BBS4: variants seen among roughly 807,000 people sequenced by gnomAD.
BBS4 encodes BBSome complex member BBS4.
In BBS4, 58 loss-of-function variants were observed where a neutral mutation model predicts 71.4. The ratio of observed to expected loss-of-function variants is 0.81; its 90% CI spans 0.66 to 1.01. The LOEUF is 1.01. Among genes scored for constraint, BBS4 ranks in the 50% least tolerant of loss-of-function variants. BBS4 has a pLI of 0.00. For synonymous variants in BBS4, 228 were observed against 216.8 expected, an observed-to-expected ratio of 1.05 and a Z score of -0.46; for missense variants, 660 against 607.9, an observed-to-expected ratio of 1.09 and a Z score of -0.90.
chr15:72,686,899 G>C, intron 1 of BBS4: 3 of 282,084 alleles, frequency 1.1e-5, no homozygotes, highest in South Asian at 3.3e-5. Context: ...TTGAAAGCCT[G>C]TTCTGTCCAT....
intron 13 of BBS4, chr15:72,735,487 G>C (rs1034643816): frequency 5.8e-6 from 3 of 518,696 alleles, no homozygotes; most frequent in African/African-American, 5.7e-5. Flanking sequence ...ATGGGACTCT[G>C]GGCTGTTTAA....
chr15:72,723,721 C>T (rs1446797620), intron 7 of BBS4, among the ~76,000 whole-genome samples: 1 of 152,014 alleles, frequency 6.6e-6, no homozygotes, highest in Non-Finnish European at 1.5e-5. Flanking sequence ...ACATAAAATA[C>T]ATTTAGTGGG....
rs201651412 is a variant in BBS4 at position 72,737,577 on chromosome 15, G to C, written c.1550G>C (p.Arg517Thr). The C allele has an allele frequency of 6.2e-7, 1 of 1,606,232 alleles. No homozygotes were observed. Among genetic ancestry groups the C allele is most frequent in the African/African-American group, 1.3e-5 (1 of 74,948 alleles). The change falls in exon 16 of 16, where the codon AGA becomes ACA. Residue 517 changes from arginine to threonine, a missense_variant. Transcript: ENST00000268057. ...CCAACTGAAACATCAGAACAAATAA[G>C]AGAGAAATAAGAATAGAATGAATGA... ...SSPTETSEQIREK is the reference protein window; with the variant it reads ...SSPTETSEQITEK
chr15:72,736,821 GACCAA>G lies in BBS4; in HGVS notation c.1313_1317del (p.Lys438SerfsTer2). On this transcript the variant is annotated frameshift_variant, in exon 15 of 16. Transcript: ENST00000268057. LOFTEE classifies it high-confidence loss of function. ...TCCAGGTTGGGGAGGCACTGGTCTGGACCAAACCAGTTAAAGATCCCAAATCAAAG... is the reference window on the plus strand; with the variant it reads ...TCCAGGTTGGGGAGGCACTGGTCTGGACCAGTTAAAGATCCCAAATCAAAG... 1 of 1,614,144 alleles carries G rather than the reference GACCAA, an allele frequency of 6.2e-7. No homozygotes were observed. The highest frequency in any genetic ancestry group is 1.3e-5 in the African/African-American group (1 of 75,026).
At chr15:72,690,373 G>A (rs996865170) in intron 1 of BBS4, among the ~76,000 whole-genome samples, 10 of 151,974 alleles carry the variant, frequency 6.6e-5, no homozygotes, top group Admixed American at 6.6e-4. Context: ...AGATTGAGTG[G>A]GCTAATAGAA....
chr15:72,738,351 C>A lies in BBS4; in HGVS notation c.*764C>A. Reference sequence around the variant, plus strand: ...AAGATAGTCAGTGATAACCACTGACCAGATGCTATCAATACACTATGTGTC... The same window carrying A: ...AAGATAGTCAGTGATAACCACTGACAAGATGCTATCAATACACTATGTGTC... On this transcript the variant is annotated 3_prime_UTR_variant, in exon 16 of 16. Transcript: ENST00000268057. 2.2e-6 allele frequency: 1 copy of A among 453,000 alleles called. No individual in the cohort carries two copies. Among genetic ancestry groups the A allele is most frequent in the Non-Finnish European group, 4.4e-6 (1 of 226,408 alleles). The allele number at this position is 453,000 out of a possible 1,614,324, so 28.1% of individuals were successfully genotyped here. A position where few individuals can be genotyped will look rare whatever the true frequency, so the allele number is the denominator to read the frequency against.
At chr15:72,713,357 GCA>G (rs756071828) in intron 4 of BBS4, among the ~76,000 whole-genome samples, 1 of 81,460 alleles carries the variant, frequency 1.2e-5, no homozygotes, top group Non-Finnish European at 2.5e-5. Flanking sequence ...ACACGCACAC[GCA>G]CGCACGCACT....
chr15:72,710,213 T>C lies in BBS4; in HGVS notation c.156+434T>C, dbSNP rs896588003. 6.4e-4 allele frequency among the ~76,000 whole-genome samples: 93 copies of C among 144,514 alleles called. 5 individuals carry two copies. Among genetic ancestry groups the C allele is most frequent in the Non-Finnish European group, 1.8e-4 (12 of 65,872 alleles). The allele number at this position is 144,514 out of a possible 152,430, so 94.8% of individuals were successfully genotyped here. On this transcript the variant is annotated intron_variant, in intron 3 of 15. Coordinates refer to ENST00000268057, the MANE Select transcript of BBS4 (RefSeq NM_033028.5). ...TTGTCGAGTTTTTTTTTTTTTTTTT[T>C]TTTTTTTGAGATGGAGTCTCACTGT...
chr15:72,735,216 G>T, intron 13 of BBS4, 34 bp downstream of exon 13: 1 of 1,555,184 alleles, frequency 6.4e-7, no homozygotes, highest in Non-Finnish European at 8.9e-7. Flanking sequence ...ACTGGCGGGG[G>T]TTGGACTCTC....
Position 72,736,766 on chromosome 15 carries a change from T to A in BBS4, c.1253T>A (p.Val418Glu). ...TACTTCCTTTGTGGACACAAGATGG[T>A]GGAGATGGCTCAGAAGTTGGGAGCT... ...NSSLEFDSEM[V>E]EMAQKLGAAL... The change falls in exon 15 of 16, where the codon GTG becomes GAG. Residue 418 changes from valine to glutamate, a missense_variant. Physicochemically the swap from Val to Glu is moderately radical, Grantham distance 121. Transcript: ENST00000268057. 2 of 1,614,168 alleles carry A rather than the reference T, an allele frequency of 1.2e-6. No homozygotes were observed. Among genetic ancestry groups the A allele is most frequent in the Non-Finnish European group, 1.7e-6 (2 of 1,180,018 alleles).
At chr15:72,705,479 C>T (rs978202984) in intron 2 of BBS4, among the ~76,000 whole-genome samples, 2 of 151,628 alleles carry the variant, frequency 1.3e-5, no homozygotes, top group Admixed American at 6.6e-5. Context: ...TTTCCTTTTT[C>T]TAATCCCTAG....
Position 72,715,891 on chromosome 15 carries a change from C to T in BBS4, c.332+489C>T, listed in dbSNP as rs143416304. On this transcript the variant is annotated intron_variant, in intron 5 of 15. Transcript: ENST00000268057. The stretch of plus-strand genomic sequence containing the variant: ...ACTTCAAGTATCCATACAGCCATTC[C>T]GTTTTTCATTTTCAGTATAGTATTC... 3.5e-3 allele frequency among the ~76,000 whole-genome samples: 529 copies of T among 152,226 alleles called. 1 individual carries two copies. Among genetic ancestry groups the T allele is most frequent in the South Asian group, 0.018 (86 of 4,820 alleles).
At chr15:72,730,879 A>C (rs555665279) in intron 10 of BBS4, among the ~76,000 whole-genome samples, 7 of 152,152 alleles carry the variant, frequency 4.6e-5, no homozygotes, top group Non-Finnish European at 8.8e-5. Context: ...CGGTAGAAAG[A>C]AATTTACCTT....
chr15:72,735,775 G>T lies in BBS4; in HGVS notation c.1107-50G>T, dbSNP rs2151054664. Reference sequence around the variant, plus strand: ...TGTGTAATGAGAAGGATCTCTAAATGACCATTTGTTGCAGAGCCCCCAGCT... The same window carrying T: ...TGTGTAATGAGAAGGATCTCTAAATTACCATTTGTTGCAGAGCCCCCAGCT... On this transcript the variant is annotated intron_variant, in intron 13 of 15. Transcript: ENST00000268057. 1.9e-6 allele frequency: 3 copies of T among 1,611,600 alleles called. No individual in the cohort carries two copies. In the South Asian group the frequency reaches 3.3e-5, roughly 18 times the overall value.
Position 72,737,550 on chromosome 15 carries a change from G to C in BBS4, c.1523G>C (p.Ser508Thr). 6.2e-7 allele frequency: 1 copy of C among 1,612,200 alleles called. No individual in the cohort carries two copies. The highest frequency in any genetic ancestry group is 8.5e-7 in the Non-Finnish European group (1 of 1,179,288). ...PLEPEPAVESSPTETSEQIRE... is the reference protein window; with the variant it reads ...PLEPEPAVESTPTETSEQIRE... ...GAGCCAGAGCCTGCGGTGGAATCAA[G>C]TCCAACTGAAACATCAGAACAAATA... Residue 508 changes from serine to threonine, a missense_variant, in exon 16 of 16, where the codon AGT becomes ACT. Physicochemically the swap from Ser to Thr is moderately conservative, Grantham distance 58 (BLOSUM62 1). Coordinates refer to ENST00000268057, the MANE Select transcript of BBS4 (RefSeq NM_033028.5).
At chr15:72,710,414 C>A (rs1412607815) in intron 3 of BBS4, among the ~76,000 whole-genome samples, 5 of 151,946 alleles carry the variant, frequency 3.3e-5, no homozygotes, top group Non-Finnish European at 5.9e-5. Flanking sequence ...ATTGGCCAGG[C>A]TGGTCTCGAA....
intron 2 of BBS4, among the ~76,000 whole-genome samples, chr15:72,705,506 C>T (rs1449222893): frequency 1.3e-5 from 2 of 150,816 alleles, no homozygotes; most frequent in African/African-American, 4.9e-5. Flanking sequence ...ATTTAATGAG[C>T]GTTTGGGTTC....
chr15:72,687,959 G>C (rs2064898178), intron 1 of BBS4, among the ~76,000 whole-genome samples: 1 of 149,930 alleles, frequency 6.7e-6, no homozygotes, highest in Non-Finnish European at 1.5e-5. Context: ...TAAATAGCAT[G>C]GTTAATGTTA....
Position 72,729,634 on chromosome 15 carries a change from G to T in BBS4, c.661G>T (p.Ala221Ser). Residue 221 changes from alanine to serine, a missense_variant, in exon 10 of 16, where the codon GCA (alanine) becomes TCA (serine). Coordinates refer to ENST00000268057, the MANE Select transcript of BBS4 (RefSeq NM_033028.5). The stretch of plus-strand genomic sequence containing the variant: ...TTCCAAGCTCGGCATTTACCAGAAG[G>T]CATTTGAACATCTTGGCAATGCACT... ...LYLQLGIYQK[A>S]FEHLGNALTY... The T allele has an allele frequency of 6.2e-7, 1 of 1,614,010 alleles. No individual in the cohort carries two copies. Among genetic ancestry groups the T allele is most frequent in the Non-Finnish European group, 8.5e-7 (1 of 1,179,976 alleles).
Sources: allele counts gnomAD v4.1 joint callset (sites outside exome capture counted in the v4.1 genomes callset), GRCh38; gene constraint gnomAD v4.1.1; transcripts MANE v1.5; gene names NCBI Gene and HGNC (gene_info 2026-07-23, HGNC 2026-07-21).